SHE: variants seen among roughly 807,000 people sequenced by gnomAD.
The protein encoded by SHE is Src homology 2 domain containing E, also known as SH2 domain-containing adapter protein E.
In SHE, 11 loss-of-function variants were observed where a neutral mutation model predicts 49.8. That is an observed-to-expected ratio of 0.22 (90% confidence interval 0.14 to 0.37). The LOEUF (loss-of-function observed/expected upper bound fraction) is 0.37, where lower values mean the gene tolerates loss of function less well. SHE is among the 10% of genes least tolerant of loss of function. The probability of loss-of-function intolerance (pLI) is 1.00; values close to 1 mark genes in which losing one functional copy is unlikely to be tolerated. For synonymous variants in SHE, 310 were observed against 278.1 expected, an observed-to-expected ratio of 1.11 and a Z score of -1.14; for missense variants, 624 against 655.5, an observed-to-expected ratio of 0.95 and a Z score of 0.52.
intron 2 of SHE, among the ~76,000 whole-genome samples, chr1:154,490,040 TTA>T (rs1692316032): frequency 1.3e-5 from 2 of 152,322 alleles, no homozygotes; most frequent in East Asian, 3.9e-4. Flanking sequence ...AGGTTGAAAA[TTA>T]TAGTCAAACC....
chr1:154,476,720 T>G (rs1415206991), downstream of SHE, among the ~76,000 whole-genome samples: 1 of 152,168 alleles, frequency 6.6e-6, no homozygotes, highest in Non-Finnish European at 1.5e-5. Flanking sequence ...ATCCACACCT[T>G]TTTTATCTTT....
chr1:154,501,168 C>T (rs1204961808), intron 1 of SHE, among the ~76,000 whole-genome samples: 1 of 152,204 alleles, frequency 6.6e-6, no homozygotes, highest in Non-Finnish European at 1.5e-5. Flanking sequence ...ACAGGAATAT[C>T]TCATTCAACG....
Position 154,484,324 on chromosome 1 carries a change from C to T in SHE, c.1313G>A (p.Gly438Glu), listed in dbSNP as rs1477337165. 1 of 1,611,244 alleles carries T rather than the reference C, an allele frequency of 6.2e-7. No individual in the cohort carries two copies. Among genetic ancestry groups the T allele is most frequent in the East Asian group, 2.2e-5 (1 of 44,776 alleles). The change falls in exon 6 of 6, where the codon GGA becomes GAA. Residue 438 changes from glycine to glutamate, a missense_variant. Gly to Glu is a moderately conservative substitution (Grantham distance 98). Transcript: ENST00000304760. ...RYSIALKTSQGCVHIIVAQTK... is the reference protein window; with the variant it reads ...RYSIALKTSQECVHIIVAQTK... Reference sequence around the variant, plus strand: ...CTGAGCCACTATGATGTGGACACATCCTTGACTAGTCCTGGAATGAAAATC... The same window carrying T: ...CTGAGCCACTATGATGTGGACACATTCTTGACTAGTCCTGGAATGAAAATC...
chr1:154,478,025 T>C (rs1033596758), downstream of SHE, among the ~76,000 whole-genome samples: 6 of 152,154 alleles, frequency 3.9e-5, no homozygotes, highest in African/African-American at 7.2e-5. Flanking sequence ...GGGTACCTCA[T>C]GTAAGTGGAA....
At position 154,480,962 on chromosome 1, in the gene SHE, G is replaced by A; in HGVS notation, c.*3187C>T. ...AAGAAGAACACTGACACAGCTCTAT[G>A]GATGCTAAATTCAAGGCAAATTCAC... On this transcript the variant is annotated 3_prime_UTR_variant, in exon 6 of 6. Coordinates refer to ENST00000304760, the MANE Select transcript of SHE (RefSeq NM_001010846.3). The A allele has an allele frequency of 1.0e-6, 1 of 985,374 alleles. No homozygotes were observed. The highest frequency in any genetic ancestry group is 1.2e-6 in the Non-Finnish European group (1 of 829,922). 61.0% of individuals were successfully genotyped at this position (985,374 alleles called of 1,614,324 possible).
chr1:154,480,798 G>A lies in SHE; in HGVS notation c.*3351C>T. The A allele has an allele frequency of 4.1e-6, 4 of 985,422 alleles. No individual in the cohort carries two copies. Among genetic ancestry groups the A allele is most frequent in the Non-Finnish European group, 4.8e-6 (4 of 829,934 alleles). The allele number at this position is 985,422 out of a possible 1,614,324, so 61.0% of individuals were successfully genotyped here. On this transcript the variant is annotated 3_prime_UTR_variant, in exon 6 of 6. Transcript: ENST00000304760. ...TAAATACACACAAGGCCAGTGGTTT[G>A]CAGGCCATCCTGAGATACAACTATG... is the stretch of plus-strand genomic sequence containing the variant.
At position 154,480,051 on chromosome 1, in the gene SHE, G is replaced by A. The variant is rs1009826910; in HGVS notation, c.*4098C>T. 8 of 985,372 alleles carry A rather than the reference G, an allele frequency of 8.1e-6. No individual in the cohort carries two copies. The highest frequency in any genetic ancestry group is 3.5e-5 in the African/African-American group (2 of 57,232). The allele number at this position is 985,372 out of a possible 1,614,324, so 61.0% of individuals were successfully genotyped here. On this transcript the variant is annotated 3_prime_UTR_variant, in exon 6 of 6. Transcript: ENST00000304760. ...CCATCTCTCTTCACACAGGGTCAGC[G>A]GTGGAGGGTAAGTTGAACAGAAGGC... is the stretch of plus-strand genomic sequence containing the variant.
At chr1:154,478,645 AAG>A (rs1329591282), downstream of SHE, among the ~76,000 whole-genome samples, 2 of 152,282 alleles carry the variant, frequency 1.3e-5, no homozygotes, top group African/African-American at 4.8e-5. Context: ...GGTGCGGAAA[AAG>A]AGTCTATTCT....
Position 154,501,649 on chromosome 1 carries a change from C to T in SHE, c.378G>A (p.Thr126=), listed in dbSNP as rs1449699215. The change falls in exon 1 of 6, where the codon ACG becomes ACA. Residue 126 remains threonine (T), a synonymous_variant. Coordinates refer to ENST00000304760, the MANE Select transcript of SHE (RefSeq NM_001010846.3). Reference sequence around the variant, plus strand: ...TTGCACCCCGGTGGGGCTCCTCCTCCGTGGCCCGGGAGTTTTTGCGGCCCT... The same window carrying T: ...TTGCACCCCGGTGGGGCTCCTCCTCTGTGGCCCGGGAGTTTTTGCGGCCCT... ...AGKGRKNSRA[T]EEEPHRGATK... The T allele has an allele frequency of 1.9e-6, 3 of 1,614,098 alleles. No individual in the cohort carries two copies. The highest frequency in any genetic ancestry group is 2.2e-5 in the South Asian group (2 of 91,064).
chr1:154,495,806 A>G (rs1180906710), intron 2 of SHE, among the ~76,000 whole-genome samples: 1 of 152,166 alleles, frequency 6.6e-6, no homozygotes, highest in East Asian at 1.9e-4. Flanking sequence ...TACACGCCCA[A>G]GATATTGTTA....
In SHE at chr1:154,482,279, G is replaced by A. The variant is rs1692041392; in HGVS notation, c.*1870C>T. On this transcript the variant is annotated 3_prime_UTR_variant, in exon 6 of 6. Transcript: ENST00000304760. Reference sequence around the variant, plus strand: ...TCTGCCTGCCTCAGCCTCCCAAATTGTTGGGATTACGTGCATGAGCCACCG... The same window carrying A: ...TCTGCCTGCCTCAGCCTCCCAAATTATTGGGATTACGTGCATGAGCCACCG... 12 of 972,216 alleles carry A rather than the reference G, an allele frequency of 1.2e-5. No homozygotes were observed. Among genetic ancestry groups the A allele is most frequent in the East Asian group, 1.1e-4 (1 of 8,760 alleles). 60.2% of individuals were successfully genotyped at this position (972,216 alleles called of 1,614,324 possible). A position where few individuals can be genotyped will look rare whatever the true frequency, so the allele number is the denominator to read the frequency against.
chr1:154,500,518 C>G (rs1399855972), intron 1 of SHE, among the ~76,000 whole-genome samples: 1 of 152,122 alleles, frequency 6.6e-6, no homozygotes, highest in Non-Finnish European at 1.5e-5. Flanking sequence ...GAAGCCTGGG[C>G]AAGAGAAAAT....
chr1:154,499,405 C>T (rs767455253), intron 1 of SHE, among the ~76,000 whole-genome samples, 167 bp from the exon 2 acceptor site: 5 of 151,812 alleles, frequency 3.3e-5, no homozygotes, highest in Non-Finnish European at 7.4e-5. Context: ...TAGACAAACA[C>T]CTGTTTTTTT....
In SHE at chr1:154,489,156, C is replaced by T. The variant is rs1332154531; in HGVS notation, c.919G>A (p.Ala307Thr). Residue 307 changes from alanine to threonine, a missense_variant, in exon 3 of 6, where the codon GCG becomes ACG. By Grantham distance (58) the Ala-to-Thr change is moderately conservative. Transcript: ENST00000304760. ...AEGGPRAEGK[A>T]RPPDSRLPEN... is the part of the protein sequence containing the mutation. The stretch of plus-strand genomic sequence containing the variant: ...GGCAGCCGGCTGTCTGGGGGCCGCG[C>T]CTTCCCCTCTGCCCTGGGCCCCCCT... The T allele has an allele frequency of 1.5e-5, 24 of 1,614,122 alleles. No individual in the cohort carries two copies. The highest frequency in any genetic ancestry group is 2.0e-5 in the Non-Finnish European group (24 of 1,180,004).
At chr1:154,471,594 C>G (rs1308532610) in intron 1 of SHE, among the ~76,000 whole-genome samples, 1 of 151,856 alleles carries the variant, frequency 6.6e-6, no homozygotes, top group Non-Finnish European at 1.5e-5. Context: ...AACAAGCAAA[C>G]AAAACACCAC....
At chr1:154,470,908 G>A (rs1421489420) in intron 1 of SHE, among the ~76,000 whole-genome samples, 1 of 152,022 alleles carries the variant, frequency 6.6e-6, no homozygotes, top group Non-Finnish European at 1.5e-5. Flanking sequence ...TACTAGGGAG[G>A]CTGAGGCAGG....
intron 2 of SHE, among the ~76,000 whole-genome samples, chr1:154,497,327 T>A (rs913604649): frequency 1.3e-5 from 2 of 152,248 alleles, no homozygotes; most frequent in Non-Finnish European, 2.9e-5. Context: ...AGAGACAAAG[T>A]CTTTCATGTG....
rs145150925 is a variant in SHE, at chr1:154,469,956, CTT to C, written c.*383_*384del. The stretch of plus-strand genomic sequence containing the variant: ...CAGAGGAAAAGCCATCATGCGGACT[CTT>C]TGTGGGTGAGAGCTACTGTGTAAAC... On this transcript the variant is annotated 3_prime_UTR_variant, in exon 2 of 2. Transcript: ENST00000486773. The C allele has an allele frequency of 5.8e-3, 1,082 of 185,408 alleles. 13 individuals carry two copies. Among genetic ancestry groups the C allele is most frequent in the African/African-American group, 0.024 (1,014 of 42,338 alleles). 11.5% of individuals were successfully genotyped at this position (185,408 alleles called of 1,614,324 possible).
chr1:154,480,713 A>G lies in SHE; in HGVS notation c.*3436T>C, dbSNP rs556236899. On this transcript the variant is annotated 3_prime_UTR_variant, in exon 6 of 6. Coordinates refer to ENST00000304760, the MANE Select transcript of SHE (RefSeq NM_001010846.3). Reference sequence around the variant, plus strand: ...CTTCTGCCCCCAACAGAGAGTAGATATATCAATATTTACCTTTTTGTATAC... The same window carrying G: ...CTTCTGCCCCCAACAGAGAGTAGATGTATCAATATTTACCTTTTTGTATAC... The G allele has an allele frequency of 2.5e-5, 25 of 985,450 alleles. No individual in the cohort carries two copies. In the South Asian group the frequency reaches 7.5e-4, roughly 30 times the overall value. 61.0% of individuals were successfully genotyped at this position (985,450 alleles called of 1,614,324 possible). A position where few individuals can be genotyped will look rare whatever the true frequency, so the allele number is the denominator to read the frequency against.
Sources: allele counts gnomAD v4.1 joint callset (sites outside exome capture counted in the v4.1 genomes callset), GRCh38; gene constraint gnomAD v4.1.1; transcripts MANE v1.5; gene names NCBI Gene and HGNC (gene_info 2026-07-23, HGNC 2026-07-21).